The following HSD17B4 variants were observed in gnomAD, a reference collection of about 807,000 sequenced individuals.
The protein encoded by HSD17B4 is peroxisomal multifunctional enzyme type 2.
HSD17B4 carries 70 observed loss-of-function variants against 101.0 expected under a neutral mutation model. The ratio of observed to expected loss-of-function variants is 0.69; its 90% CI spans 0.57 to 0.85. The LOEUF (loss-of-function observed/expected upper bound fraction) is 0.85. Among genes scored for constraint, HSD17B4 ranks in the 40% least tolerant of loss-of-function variants. HSD17B4 has a pLI of 0.00. For missense variants in HSD17B4, 984 were observed against 892.4 expected (o/e 1.10, Z -1.31); for synonymous variants, 347 against 297.1 (o/e 1.17, Z -1.73).
chr5:119,510,937 C>T (rs980154180), intron 16 of HSD17B4, among the ~76,000 whole-genome samples: 2 of 152,210 alleles, frequency 1.3e-5, no homozygotes, highest in Non-Finnish European at 2.9e-5. Context: ...TCTATTTCTC[C>T]ATCCAGCCCC....
chr5:119,460,727 A>AT (rs1755144004), intron 2 of HSD17B4, among the ~76,000 whole-genome samples: 1 of 152,234 alleles, frequency 6.6e-6, no homozygotes, highest in African/African-American at 2.4e-5. Flanking sequence ...CATGGTGCAT[A>AT]TATTCTAGTG....
intron 4 of HSD17B4, 45 bp from the exon 5 acceptor site, chr5:119,475,661 A>G: frequency 6.8e-7 from 1 of 1,476,734 alleles, no homozygotes; most frequent in Non-Finnish European, 9.5e-7. Context: ...AATGCAAACT[A>G]ATATGCTTGC....
At chr5:119,458,614 A>G (rs1274384054) in intron 2 of HSD17B4, among the ~76,000 whole-genome samples, 1 of 150,808 alleles carries the variant, frequency 6.6e-6, no homozygotes, top group Non-Finnish European at 1.5e-5. Context: ...TTCTACCGAC[A>G]TTTCATTGGC....
intron 14 of HSD17B4, 100 bp from the exon 15 acceptor site, chr5:119,506,718 T>C: frequency 1.5e-6 from 1 of 673,872 alleles, no homozygotes; most frequent in Non-Finnish European, 2.7e-6. Flanking sequence ...TTTTTTAGTT[T>C]TGCTGAGCTT....
chr5:119,541,901 G>C lies in HSD17B4; in HGVS notation c.2122-4G>C, dbSNP rs745684382. Reference sequence around the variant, plus strand: ...GGCACTCTTTTTCCCTCCTCTCCTTGCAGGCATTCTTTAGTGGCAGGCTGA... The same window carrying C: ...GGCACTCTTTTTCCCTCCTCTCCTTCCAGGCATTCTTTAGTGGCAGGCTGA... On this transcript the variant is annotated splice_polypyrimidine_tract_variant and splice_region_variant and intron_variant, in intron 23 of 23. Transcript: ENST00000510025. The C allele has an allele frequency of 1.3e-6, 2 of 1,590,084 alleles. No homozygotes were observed. The highest frequency in any genetic ancestry group is 1.1e-5 in the South Asian group (1 of 90,576).
chr5:119,471,513 A>T, intron 2 of HSD17B4: 1 of 419,206 alleles, frequency 2.4e-6, no homozygotes, highest in Non-Finnish European at 4.2e-6. Context: ...CCAGTTTTAA[A>T]AAGAGCAGTT....
At chr5:119,471,887 G>T (rs1277734608) in intron 2 of HSD17B4, among the ~76,000 whole-genome samples, 2 of 152,102 alleles carry the variant, frequency 1.3e-5, no homozygotes, top group African/African-American at 2.4e-5. Context: ...TATTACTGTG[G>T]CCATCGCATA....
At position 119,496,616 on chromosome 5, in the gene HSD17B4, T is replaced by G; in HGVS notation, c.942T>G (p.Ser314Arg). 1 of 1,602,432 alleles carries G rather than the reference T, an allele frequency of 6.2e-7. No homozygotes were observed. Among genetic ancestry groups the G allele is most frequent in the Non-Finnish European group, 8.6e-7 (1 of 1,169,320 alleles). Residue 314 changes from serine (S) to arginine (R), a missense_variant, in exon 12 of 24, where the codon AGT becomes AGG. Transcript: ENST00000510025. The stretch of plus-strand genomic sequence containing the variant: ...GAGGAGTTTCAGCAAATCATACTAG[T>G]CGTGCAACGTCTACAGCAACATCAG... ...SEGGVSANHT[S>R]RATSTATSGF...
rs1748371066 is a variant in HSD17B4, at chr5:119,474,436, G to A, written c.256G>A (p.Ala86Thr). Residue 86 changes from alanine to threonine, a missense_variant, in exon 4 of 24, where the codon GCC becomes ACC. Transcript: ENST00000510025. ...AGAAGGAGAGAAGGTTGTGAAGACA[G>A]CCCTGGATGCTTTTGGAAGAATAGG... ...VEEGEKVVKT[A>T]LDAFGRIDVV... 5 of 1,608,534 alleles carry A rather than the reference G, an allele frequency of 3.1e-6. No homozygotes were observed. Among genetic ancestry groups the A allele is most frequent in the Non-Finnish European group, 3.4e-6 (4 of 1,174,992 alleles).
chr5:119,473,868 T>C, intron 2 of HSD17B4, 40 bp from the exon 3 acceptor site: 2 of 1,165,204 alleles, frequency 1.7e-6, no homozygotes, highest in Non-Finnish European at 2.6e-6. Flanking sequence ...TTTGAAAGTC[T>C]AGAATAATTA....
rs1306748755 is a variant in HSD17B4 at position 119,489,272 on chromosome 5, G to A, written c.703G>A (p.Gly235Ser). The A allele has an allele frequency of 3.1e-6, 5 of 1,610,478 alleles. No homozygotes were observed. The African/African-American group carries it at 6.7e-5, about 22-fold the overall frequency. Reference sequence around the variant, plus strand: ...TCACGAGAGTTGTGAGGAGAATGGTGGCTTGTTTGAGGTATTTGCACCTTC... The same window carrying A: ...TCACGAGAGTTGTGAGGAGAATGGTAGCTTGTTTGAGGTATTTGCACCTTC... Reference protein sequence around the residue: ...LCHESCEENGGLFEVGAGWIG... With the variant: ...LCHESCEENGSLFEVGAGWIG... The change falls in exon 9 of 24, where the codon GGC becomes AGC. Residue 235 changes from glycine (G) to serine (S), a missense_variant. Coordinates refer to ENST00000510025, the MANE Select transcript of HSD17B4 (RefSeq NM_000414.4).
intron 2 of HSD17B4, among the ~76,000 whole-genome samples, chr5:119,465,676 A>G (rs1027451413): frequency 2.6e-5 from 4 of 152,212 alleles, no homozygotes; most frequent in African/African-American, 7.2e-5. Context: ...TTGATTTTCT[A>G]TTCTGCAACT....
Position 119,499,451 on chromosome 5 carries a change from T to C in HSD17B4, c.1107T>C (p.Ser369=), listed in dbSNP as rs1485011447. 4.3e-6 allele frequency: 7 copies of C among 1,613,688 alleles called. No homozygotes were observed. The highest frequency in any genetic ancestry group is 1.7e-5 in the Admixed American group (1 of 59,996). ...KDLKFIYEGS[S]DFSCLPTFGV... is the part of the protein sequence containing the mutation. Reference sequence around the variant, plus strand: ...TGAAATTTATTTATGAAGGAAGTTCTGATTTCTCCTGTTTGCCCACCTTCG... The same window carrying C: ...TGAAATTTATTTATGAAGGAAGTTCCGATTTCTCCTGTTTGCCCACCTTCG... The change falls in exon 13 of 24, where the codon TCT becomes TCC. Residue 369 remains serine, a synonymous_variant. Transcript: ENST00000510025.
At position 119,525,272 on chromosome 5, in the gene HSD17B4, T is replaced by A. The variant is rs1403155030; in HGVS notation, c.1560T>A (p.Phe520Leu). Residue 520 changes from phenylalanine to leucine, a missense_variant, in exon 18 of 24, where the codon TTT (phenylalanine) becomes TTA (leucine). Phe to Leu is a conservative substitution (Grantham distance 22, BLOSUM62 0). Coordinates refer to ENST00000510025, the MANE Select transcript of HSD17B4 (RefSeq NM_000414.4). ...DWNPLHIDPN[F>L]ASLAGFDKPI... Reference sequence around the variant, plus strand: ...ATCCCTTACACATTGATCCTAACTTTGCTAGTCTAGCAGGTGAGTTGTCTT... The same window carrying A: ...ATCCCTTACACATTGATCCTAACTTAGCTAGTCTAGCAGGTGAGTTGTCTT... 1 of 1,609,542 alleles carries A rather than the reference T, an allele frequency of 6.2e-7. No homozygotes were observed. Among genetic ancestry groups the A allele is most frequent in the African/African-American group, 1.3e-5 (1 of 74,866 alleles).
At chr5:119,499,173 T>C in intron 12 of HSD17B4, 144 bp from the exon 13 acceptor site, 1 of 633,170 alleles carries the variant, frequency 1.6e-6, no homozygotes, top group Non-Finnish European at 2.8e-6. Flanking sequence ...TATTAAAAAA[T>C]AAAATATAAT....
rs1753524278 is a variant in HSD17B4 at position 119,525,698 on chromosome 5, T to A, written c.1574-219T>A. ...CAATTGTGTTTCCAGATCTCTCACA[T>A]TCTTTTCCTGTTTTGTTTTTTTTTT... On this transcript the variant is annotated intron_variant, in intron 18 of 23. Coordinates refer to ENST00000510025, the MANE Select transcript of HSD17B4 (RefSeq NM_000414.4). 9 of 571,226 alleles carry A rather than the reference T, an allele frequency of 1.6e-5. No individual in the cohort carries two copies. The South Asian group carries it at 1.9e-4, about 12-fold the overall frequency. 35.4% of individuals were successfully genotyped at this position (571,226 alleles called of 1,614,324 possible).
chr5:119,525,712 T>C (rs1181572423), intron 18 of HSD17B4: 5 of 570,698 alleles, frequency 8.8e-6, no homozygotes, highest in African/African-American at 2.0e-5. Flanking sequence ...TTTCCTGTTT[T>C]GTTTTTTTTT....
intron 20 of HSD17B4, among the ~76,000 whole-genome samples, 197 bp from the exon 21 acceptor site, chr5:119,529,697 C>T (rs1445377224): frequency 6.6e-6 from 1 of 152,138 alleles, no homozygotes; most frequent in African/African-American, 2.4e-5. Flanking sequence ...GGTTTAGTAA[C>T]AGTTGTATTA....
chr5:119,528,428 C>T (rs778843262), intron 20 of HSD17B4, among the ~76,000 whole-genome samples: 12 of 152,110 alleles, frequency 7.9e-5, no homozygotes, highest in Non-Finnish European at 1.6e-4. Context: ...TCAAATTCCT[C>T]CTGTCCTTCA....
Sources: gnomAD v4.1 joint callset for allele counts (sites outside exome capture counted in the v4.1 genomes callset) on GRCh38, gnomAD v4.1.1 for gene constraint, MANE v1.5 for transcripts, NCBI Gene and HGNC (gene_info 2026-07-23, HGNC 2026-07-21) for gene names.